Variants in CTSO observed in about 807,000 individuals in gnomAD.
The protein encoded by CTSO is cathepsin O.
Under a neutral mutation model 42.4 loss-of-function variants are expected in CTSO, and 40 were observed. The observed-to-expected ratio is 0.94, with a 90% CI of 0.73 to 1.23. The LOEUF is 1.23. CTSO is among the 50% of genes most tolerant of loss of function. CTSO has a pLI of 0.00. For missense variants in CTSO, 441 were observed against 396.0 expected (o/e 1.11, Z -0.96); for synonymous variants, 156 against 146.2 (o/e 1.07, Z -0.48).
In CTSO at chr4:155,939,240, G is replaced by A. The variant is rs1053085283; in HGVS notation, c.552+131C>T. The A allele has an allele frequency of 6.9e-6, 5 of 720,916 alleles. No homozygotes were observed. The Admixed American group carries it at 8.5e-5, about 12-fold the overall frequency. 44.7% of individuals were successfully genotyped at this position (720,916 alleles called of 1,614,324 possible). The stretch of plus-strand genomic sequence containing the variant: ...TAAATATTCTGATTAATTACTTCAT[G>A]CTTTGATCATCTACATTTCCGAACG... On this transcript the variant is annotated intron_variant, in intron 4 of 7. Coordinates refer to ENST00000433477, the MANE Select transcript of CTSO (RefSeq NM_001334.3).
At chr4:155,943,916 TAA>T (rs1425381804) in intron 1 of CTSO, among the ~76,000 whole-genome samples, 4 of 152,220 alleles carry the variant, frequency 2.6e-5, no homozygotes, top group African/African-American at 9.6e-5. Context: ...CAATTTATCT[TAA>T]GCTTATCTTT....
Position 155,939,465 on chromosome 4 carries a change from T to C in CTSO, c.458A>G (p.Glu153Gly). Reference protein sequence around the residue: ...SAYAIKGKPLEDLSVQQVIDC... With the variant: ...SAYAIKGKPLGDLSVQQVIDC... Reference sequence around the variant, plus strand: ...AATGACCTGCTGGACACTTAGGTCTTCCAGGGGCTTCCCCTTTATTGCATA... The same window carrying C: ...AATGACCTGCTGGACACTTAGGTCTCCCAGGGGCTTCCCCTTTATTGCATA... Residue 153 changes from glutamate to glycine, a missense_variant, in exon 4 of 8, where the codon GAA becomes GGA. Coordinates refer to ENST00000433477, the MANE Select transcript of CTSO (RefSeq NM_001334.3). 3 of 1,614,160 alleles carry C rather than the reference T, an allele frequency of 1.9e-6. No homozygotes were observed. Among genetic ancestry groups the C allele is most frequent in the Non-Finnish European group, 2.5e-6 (3 of 1,180,020 alleles).
chr4:155,939,714 T>C (rs906710535), intron 3 of CTSO, among the ~76,000 whole-genome samples, 176 bp from the exon 4 acceptor site: 13 of 152,358 alleles, frequency 8.5e-5, no homozygotes, highest in African/African-American at 3.1e-4. Flanking sequence ...CAAAAGTCTC[T>C]TTTGAGCATC....
intron 6 of CTSO, among the ~76,000 whole-genome samples, chr4:155,929,226 C>T (rs982576679): frequency 2.6e-5 from 4 of 152,178 alleles, no homozygotes; most frequent in Non-Finnish European, 5.9e-5. Context: ...TTATCCCTGG[C>T]TTGCTGTCAA....
At chr4:155,945,792 G>A (rs78343806) in intron 1 of CTSO, among the ~76,000 whole-genome samples, 2,458 of 152,132 alleles carry the variant, frequency 0.016, 35 homozygotes, top group South Asian at 0.048. Context: ...ATATGTTAAG[G>A]ACAATATATT....
rs1743724250 is a variant in CTSO at position 155,953,783 on chromosome 4, T to C, written c.65A>G (p.Asp22Gly). The change falls in exon 1 of 8, where the codon GAT becomes GGT. Residue 22 changes from aspartate to glycine, a missense_variant. Physicochemically the swap from Asp to Gly is moderately conservative, Grantham distance 94. Coordinates refer to ENST00000433477, the MANE Select transcript of CTSO (RefSeq NM_001334.3). The stretch of plus-strand genomic sequence containing the variant: ...GGTGAAGGGGGCGCGGGAGTCCGCA[T>C]CGCCGCCGCCCCGGCACAGCAGCCA... ...LLWLLCRGGG[D>G]ADSRAPFTPT... 3.0e-6 allele frequency: 4 copies of C among 1,340,102 alleles called. No individual in the cohort carries two copies. Among genetic ancestry groups the C allele is most frequent in the Non-Finnish European group, 3.8e-6 (4 of 1,042,332 alleles). The allele number at this position is 1,340,102 out of a possible 1,614,324, so 83.0% of individuals were successfully genotyped here. A position where few individuals can be genotyped will look rare whatever the true frequency, so the allele number is the denominator to read the frequency against.
rs372539102 is a variant in CTSO, at chr4:155,939,506, C to T, written c.417G>A (p.Gly139=). ...CGGCWAFSVV[G]AVESAYAIKG... is the part of the protein sequence containing the mutation. ...TTATTGCATAAGCAGATTCCACTGC[C>T]CCCACCACGCTGAAGGCCCAGCATC... The change falls in exon 4 of 8, where the codon GGG becomes GGA. Residue 139 remains glycine, a synonymous_variant. Transcript: ENST00000433477. 54 of 1,613,814 alleles carry T rather than the reference C, an allele frequency of 3.3e-5. No individual in the cohort carries two copies. Among genetic ancestry groups the T allele is most frequent in the Non-Finnish European group, 4.3e-5 (51 of 1,179,906 alleles).
At chr4:155,946,053 G>C (rs746506414) in intron 1 of CTSO, among the ~76,000 whole-genome samples, 1 of 151,694 alleles carries the variant, frequency 6.6e-6, no homozygotes, top group Non-Finnish European at 1.5e-5. Context: ...TTAGACTCTT[G>C]AGTGTAGGCA....
In CTSO at chr4:155,953,731, A is replaced by C. The variant is rs1188422240; in HGVS notation, c.117T>G (p.Arg39=). Residue 39 remains arginine, a synonymous_variant, in exon 1 of 8, where the codon CGT becomes CGG. Coordinates refer to ENST00000433477, the MANE Select transcript of CTSO (RefSeq NM_001334.3). ...FTPTWPRSRE[R]EAAAFRESLN... is the part of the protein sequence containing the mutation. The stretch of plus-strand genomic sequence containing the variant: ...TCGGTACCCGGAAGGCGGCGGCTTC[A>C]CGCTCGCGGCTCCGCGGCCAGGTCG... 1 of 1,271,634 alleles carries C rather than the reference A, an allele frequency of 7.9e-7. No homozygotes were observed. The highest frequency in any genetic ancestry group is 3.1e-5 in the East Asian group (1 of 32,024). The allele number at this position is 1,271,634 out of a possible 1,614,324, so 78.8% of individuals were successfully genotyped here.
At chr4:155,927,608 A>T (rs1007635677) in intron 7 of CTSO, among the ~76,000 whole-genome samples, 3 of 152,046 alleles carry the variant, frequency 2.0e-5, no homozygotes, top group African/African-American at 7.2e-5. Flanking sequence ...TCTCTACTAA[A>T]AATACAAAAA....
In CTSO at chr4:155,930,394, G is replaced by A. The variant is rs1043065735; in HGVS notation, c.675-689C>T. ...TTAAAAAGAGAAGAAATGTTAGGAT[G>A]CCCGGAGAACTAGGTGTTCAACTGT... On this transcript the variant is annotated intron_variant, in intron 5 of 7. Transcript: ENST00000433477. Among the ~76,000 whole-genome samples the A allele has an allele frequency of 2.0e-5, 3 of 152,168 alleles. No homozygotes were observed. The South Asian group carries it at 6.2e-4, about 32-fold the overall frequency.
chr4:155,949,499 C>T (rs970374197), intron 1 of CTSO, among the ~76,000 whole-genome samples: 10 of 152,124 alleles, frequency 6.6e-5, no homozygotes, highest in Non-Finnish European at 1.3e-4. Flanking sequence ...TTGAAATTAA[C>T]AGAGACACCT....
intron 5 of CTSO, among the ~76,000 whole-genome samples, chr4:155,935,532 C>CA (rs1027260956): frequency 1.1e-4 from 16 of 152,186 alleles, no homozygotes; most frequent in Middle Eastern, 3.4e-3. Context: ...TTCACTTGAA[C>CA]ATAACCTTTT....
In CTSO at chr4:155,939,259, C is replaced by A. The variant is rs189092384; in HGVS notation, c.552+112G>T. 5.9e-5 allele frequency: 53 copies of A among 902,360 alleles called. No homozygotes were observed. The East Asian group carries it at 1.3e-3, about 23-fold the overall frequency. The allele number at this position is 902,360 out of a possible 1,614,324, so 55.9% of individuals were successfully genotyped here. A position where few individuals can be genotyped will look rare whatever the true frequency, so the allele number is the denominator to read the frequency against. ...CTTCATGCTTTGATCATCTACATTTCCGAACGTGGAAACATTATTTAATAT... is the reference window on the plus strand; with the variant it reads ...CTTCATGCTTTGATCATCTACATTTACGAACGTGGAAACATTATTTAATAT... On this transcript the variant is annotated intron_variant, in intron 4 of 7. Transcript: ENST00000433477.
intron 2 of CTSO, 81 bp from the exon 3 acceptor site, chr4:155,942,537 T>A: frequency 1.6e-6 from 1 of 627,366 alleles, no homozygotes; most frequent in Non-Finnish European, 2.1e-6. Context: ...ATATTTGTTA[T>A]ATATAAAGAC....
chr4:155,929,544 G>A lies in CTSO; in HGVS notation c.836C>T (p.Thr279Ile). 2 of 1,611,840 alleles carry A rather than the reference G, an allele frequency of 1.2e-6. No individual in the cohort carries two copies. Among genetic ancestry groups the A allele is most frequent in the Middle Eastern group, 1.7e-4 (1 of 6,028 alleles). Residue 279 changes from threonine (T) to isoleucine (I), a missense_variant and splice_region_variant, in exon 6 of 8, where the codon ACA becomes ATA. Physicochemically the swap from Thr to Ile is moderately conservative, Grantham distance 89. Coordinates refer to ENST00000433477, the MANE Select transcript of CTSO (RefSeq NM_001334.3). ...AACTGAGTCTTATCAGCACTTACCT[G>A]TTTTATCAAACCCAGTTATGAGAAC... ...HAVLITGFDK[T>I]GSTPYWIVRN...
Position 155,933,760 on chromosome 4 carries a change from T to C in CTSO, c.674+3602A>G, listed in dbSNP as rs145190026. On this transcript the variant is annotated intron_variant, in intron 5 of 7. Transcript: ENST00000433477. ...AGCATTTTGCCACTGCCCTAGAGAT[T>C]TGTGGAACTTTGAACTTGAGAGAGA... 2.7e-3 allele frequency among the ~76,000 whole-genome samples: 415 copies of C among 152,236 alleles called. 2 individuals are homozygous for C. The highest frequency in any genetic ancestry group is 9.5e-3 in the African/African-American group (393 of 41,538).
intron 5 of CTSO, among the ~76,000 whole-genome samples, 179 bp downstream of exon 5, chr4:155,937,183 G>A (rs1387129174): frequency 1.3e-5 from 2 of 152,056 alleles, no homozygotes; most frequent in East Asian, 3.8e-4. Flanking sequence ...AAAATAAGTA[G>A]ATTATAATTA....
intron 7 of CTSO, among the ~76,000 whole-genome samples, chr4:155,927,543 G>C (rs1178249130): frequency 2.0e-5 from 3 of 152,176 alleles, no homozygotes; most frequent in Non-Finnish European, 2.9e-5. Context: ...GCCAAGGAGG[G>C]CAGATCACGA....
Sources: allele counts gnomAD v4.1 joint callset (sites outside exome capture counted in the v4.1 genomes callset), GRCh38; gene constraint gnomAD v4.1.1; transcripts MANE v1.5; gene names NCBI Gene and HGNC (gene_info 2026-07-23, HGNC 2026-07-21).